The following DRG2 variants were observed in gnomAD, a reference collection of about 807,000 sequenced individuals.
DRG2 encodes developmentally regulated GTP binding protein 2.
In DRG2, 36 loss-of-function variants were observed where a neutral mutation model predicts 53.4. That is an observed-to-expected ratio of 0.67 (90% CI 0.52 to 0.89). DRG2 has a LOEUF of 0.89. Among genes scored for constraint, DRG2 ranks in the 40% least tolerant of loss-of-function variants. DRG2 has a pLI of 0.00. For synonymous variants in DRG2, 167 were observed against 192.1 expected (o/e 0.87, Z 1.08); for missense variants, 342 against 481.2 (o/e 0.71, Z 2.71).
At chr17:18,091,647 G>A (rs1390963473) in intron 1 of DRG2, among the ~76,000 whole-genome samples, 1 of 151,430 alleles carries the variant, frequency 6.6e-6, no homozygotes, top group African/African-American at 2.4e-5. Context: ...ACCTGACGTC[G>A]AGAGTTCGAG....
Position 18,103,867 on chromosome 17 carries a change from C to T in DRG2, c.873C>T (p.Cys291=), listed in dbSNP as rs578238026. The T allele has an allele frequency of 6.2e-7, 1 of 1,608,804 alleles. No individual in the cohort carries two copies. Among genetic ancestry groups the T allele is most frequent in the South Asian group, 1.1e-5 (1 of 90,748 alleles). The change falls in exon 10 of 13, where the codon TGC becomes TGT. Residue 291 remains cysteine, a synonymous_variant. Transcript: ENST00000225729. The surrounding 1 kb of genome is among the most constrained non-coding windows in gnomAD (Gnocchi z 4.4). Reference sequence around the variant, plus strand: ...TTTGGGAGTACTTGGCCCTGACCTGCATCTACACCAAGAAGAGAGGACGTG... The same window carrying T: ...TTTGGGAGTACTTGGCCCTGACCTGTATCTACACCAAGAAGAGAGGACGTG... ...EMLWEYLALT[C]IYTKKRGQRP... is the part of the protein sequence containing the mutation.
chr17:18,104,643 G>A lies in DRG2; in HGVS notation c.916G>A (p.Ala306Thr), dbSNP rs775747014. The A allele has an allele frequency of 1.7e-5, 27 of 1,613,768 alleles. No homozygotes were observed. The highest frequency in any genetic ancestry group is 1.2e-4 in the African/African-American group (9 of 74,934). Residue 306 changes from alanine (A) to threonine (T), a missense_variant, in exon 11 of 13, where the codon GCC becomes ACC. By Grantham distance (58) the Ala-to-Thr change is moderately conservative (BLOSUM62 0). Transcript: ENST00000225729. ...KRGQRPDFTD[A>T]IILRKGASVE... Reference sequence around the variant, plus strand: ...TGCAGAGAGGCCAGACTTCACAGACGCCATCATTCTCCGGAAAGGGGCCTC... The same window carrying A: ...TGCAGAGAGGCCAGACTTCACAGACACCATCATTCTCCGGAAAGGGGCCTC...
chr17:18,099,391 TA>T lies in DRG2; in HGVS notation c.377-241del. ...ATTTAGCCTGGGCCCTGCCACATGG[TA>T]GGGGTGGGCGTAGGACAGCCGTTAT... On this transcript the variant is annotated intron_variant, in intron 4 of 12. Transcript: ENST00000225729. The surrounding 1 kb of genome is among the most constrained non-coding windows in gnomAD (Gnocchi z 4.4). 1 of 615,244 alleles carries T rather than the reference TA, an allele frequency of 1.6e-6. No individual in the cohort carries two copies. Among genetic ancestry groups the T allele is most frequent in the Non-Finnish European group, 2.9e-6 (1 of 346,996 alleles). 38.1% of individuals were successfully genotyped at this position (615,244 alleles called of 1,614,324 possible).
At chr17:18,093,590 T>C (rs1471855681) in intron 1 of DRG2, among the ~76,000 whole-genome samples, 1 of 152,204 alleles carries the variant, frequency 6.6e-6, no homozygotes, top group Non-Finnish European at 1.5e-5. Flanking sequence ...AGTGCTGGGA[T>C]TACAGGCGTC....
rs1163622033 is a variant in DRG2, at chr17:18,099,739, C to A, written c.467+16C>A. 3 of 1,589,956 alleles carry A rather than the reference C, an allele frequency of 1.9e-6. No individual in the cohort carries two copies. In the South Asian group the frequency reaches 3.4e-5, roughly 18 times the overall value. On this transcript the variant is annotated intron_variant, in intron 5 of 12. Coordinates refer to ENST00000225729, the MANE Select transcript of DRG2 (RefSeq NM_001388.5). This position sits in a 1 kb window ranked among gnomAD's most constrained non-coding sequence, Gnocchi z 4.4. Reference sequence around the variant, plus strand: ...AGGTGCAGAGGTCCGCAGGGTGGGGCATGGGGCAGGCTCACATGTCTGGGG... The same window carrying A: ...AGGTGCAGAGGTCCGCAGGGTGGGGAATGGGGCAGGCTCACATGTCTGGGG...
At chr17:18,094,974 CA>C (rs1165321853) in intron 2 of DRG2, among the ~76,000 whole-genome samples, 1,137 of 25,218 alleles carry the variant, frequency 0.045, 1 homozygote, top group African/African-American at 0.09. Context: ...AACTCCATCT[CA>C]AAAAAAAAAA....
chr17:18,090,295 A>T (rs1276346585), intron 1 of DRG2, among the ~76,000 whole-genome samples: 3 of 128,918 alleles, frequency 2.3e-5, no homozygotes, highest in African/African-American at 8.8e-5. Flanking sequence ...AAACTCCTGC[A>T]TTCGAGCAAT....
In DRG2 at chr17:18,103,491, C is replaced by T. The variant is rs905005275; in HGVS notation, c.807-310C>T. Among the ~76,000 whole-genome samples the T allele has an allele frequency of 3.3e-5, 5 of 152,130 alleles. No homozygotes were observed. Among genetic ancestry groups the T allele is most frequent in the African/African-American group, 1.2e-4 (5 of 41,426 alleles). The stretch of plus-strand genomic sequence containing the variant: ...GGTTCCTAGCCTTTGCCCATGGTCC[C>T]GTCACAGCCCCCGGCCATCTCGCCA... On this transcript the variant is annotated intron_variant, in intron 9 of 12. Coordinates refer to ENST00000225729, the MANE Select transcript of DRG2 (RefSeq NM_001388.5). The surrounding 1 kb of genome is among the most constrained non-coding windows in gnomAD (Gnocchi z 4.4).
intron 1 of DRG2, among the ~76,000 whole-genome samples, chr17:18,090,382 ATATATATATATATATATATATATAT>A (rs1310929337): frequency 0.021 from 204 of 9,616 alleles, 16 homozygotes; most frequent in African/African-American, 0.12. Context: ...ATATATATAT[ATATATATATATATATATATATATAT>A]TTTTTTTTTT....
At chr17:18,094,820 C>CA in intron 2 of DRG2, among the ~76,000 whole-genome samples, 1 of 151,176 alleles carries the variant, frequency 6.6e-6, no homozygotes, top group African/African-American at 2.4e-5. Context: ...ACTAAAAATA[C>CA]AAAATTAGCC....
At chr17:18,096,295 G>A (rs2045432723) in intron 2 of DRG2, 1 of 152,134 alleles carries the variant, frequency 6.6e-6, no homozygotes, top group South Asian at 2.1e-4. Context: ...CTTGAGGGGA[G>A]CATCTACAGA....
In DRG2 at chr17:18,103,742, G is replaced by A; in HGVS notation, c.807-59G>A. The stretch of plus-strand genomic sequence containing the variant: ...ATCCGCTCCAATAGTGAGAAGTGGA[G>A]ACCCCAGCCTCTGAATTCACAGGGG... On this transcript the variant is annotated intron_variant, in intron 9 of 12. Coordinates refer to ENST00000225729, the MANE Select transcript of DRG2 (RefSeq NM_001388.5). The surrounding 1 kb of genome is among the most constrained non-coding windows in gnomAD (Gnocchi z 4.4). 1 of 1,528,170 alleles carries A rather than the reference G, an allele frequency of 6.5e-7. No homozygotes were observed. The highest frequency in any genetic ancestry group is 9.1e-7 in the Non-Finnish European group (1 of 1,102,822). 94.7% of individuals were successfully genotyped at this position (1,528,170 alleles called of 1,614,324 possible).
chr17:18,093,880 G>A lies in DRG2; in HGVS notation c.132G>A (p.Pro44=), dbSNP rs201335147. ...AGTATCGGGCCCAGCTCCTGGAACC[G>A]TCCAAATCGGCCTCGTCCAAAGGAG... is the stretch of plus-strand genomic sequence containing the variant. ...LAKYRAQLLE[P]SKSASSKGEG... Residue 44 remains proline, a synonymous_variant, in exon 2 of 13, where the codon CCG becomes CCA. Transcript: ENST00000225729. 5.4e-5 allele frequency: 87 copies of A among 1,614,178 alleles called. No individual in the cohort carries two copies. Among genetic ancestry groups the A allele is most frequent in the Admixed American group, 3.3e-4 (20 of 60,012 alleles).
rs781138108 is a variant in DRG2, at chr17:18,099,125, T to C, written c.376+48T>C. The C allele has an allele frequency of 6.2e-7, 1 of 1,612,264 alleles. No homozygotes were observed. Among genetic ancestry groups the C allele is most frequent in the Admixed American group, 1.7e-5 (1 of 59,998 alleles). ...GGGAAGCAGACTGGAGCTCTGTTAC[T>C]GATCGTTGAAATTGGGTGTGGCTGT... On this transcript the variant is annotated intron_variant, in intron 4 of 12. Coordinates refer to ENST00000225729, the MANE Select transcript of DRG2 (RefSeq NM_001388.5). The surrounding 1 kb of genome is among the most constrained non-coding windows in gnomAD (Gnocchi z 4.4).
intron 1 of DRG2, among the ~76,000 whole-genome samples, chr17:18,093,538 G>C (rs1023571782): frequency 2.6e-5 from 4 of 152,092 alleles, no homozygotes; most frequent in Admixed American, 2.6e-4. Context: ...GGCTGGTCTC[G>C]AACTCCTGAC....
Position 18,098,917 on chromosome 17 carries a change from C to G in DRG2, c.316-100C>G, listed in dbSNP as rs1033118208. ...AGGTTGGCATCTGGGTTTCCCTCAG[C>G]CCCTGAGCCCCGGGGCCATTCCAGA... On this transcript the variant is annotated intron_variant, in intron 3 of 12. Coordinates refer to ENST00000225729, the MANE Select transcript of DRG2 (RefSeq NM_001388.5). The surrounding 1 kb of genome is among the most constrained non-coding windows in gnomAD (Gnocchi z 4.1). 2.9e-6 allele frequency: 4 copies of G among 1,388,040 alleles called. No homozygotes were observed. The African/African-American group carries it at 5.7e-5, about 20-fold the overall frequency. The allele number at this position is 1,388,040 out of a possible 1,614,324, so 86.0% of individuals were successfully genotyped here.
In DRG2 at chr17:18,100,251, G is replaced by A; in HGVS notation, c.468-112G>A. 1 of 1,092,464 alleles carries A rather than the reference G, an allele frequency of 9.2e-7. No homozygotes were observed. Among genetic ancestry groups the A allele is most frequent in the South Asian group, 1.3e-5 (1 of 77,652 alleles). The allele number at this position is 1,092,464 out of a possible 1,614,324, so 67.7% of individuals were successfully genotyped here. A position where few individuals can be genotyped will look rare whatever the true frequency, so the allele number is the denominator to read the frequency against. ...TGTTCTCTGGGTTGCTGGGGAAGGG[G>A]GTGGAGGAGAGAGTCAGTCTCTGGG... On this transcript the variant is annotated intron_variant, in intron 5 of 12. Coordinates refer to ENST00000225729, the MANE Select transcript of DRG2 (RefSeq NM_001388.5). This position sits in a 1 kb window ranked among gnomAD's most constrained non-coding sequence, Gnocchi z 4.1.
chr17:18,089,375 G>A (rs2045272795), intron 1 of DRG2, among the ~76,000 whole-genome samples: 1 of 152,070 alleles, frequency 6.6e-6, no homozygotes, highest in African/African-American at 2.4e-5. Context: ...CCTGACCTCA[G>A]GTGATCCACC....
At chr17:18,106,360 G>T in intron 11 of DRG2, 73 bp from the exon 12 acceptor site, 1 of 1,560,898 alleles carries the variant, frequency 6.4e-7, no homozygotes, top group Non-Finnish European at 8.8e-7. Context: ...CCTGAGCTTT[G>T]GGTGTGCAGC....
Sources: gnomAD v4.1 joint callset for allele counts (sites outside exome capture counted in the v4.1 genomes callset) on GRCh38, gnomAD v4.1.1 for gene constraint, Gnocchi (gnomAD v3.1) non-coding constraint, MANE v1.5 for transcripts, NCBI Gene and HGNC (gene_info 2026-07-23, HGNC 2026-07-21) for gene names.